The following TFG variants were observed in gnomAD, a reference collection of about 807,000 sequenced individuals.
TFG encodes the protein protein TFG.
TFG carries 22 observed loss-of-function variants against 51.4 expected under a neutral mutation model. The ratio of observed to expected loss-of-function variants is 0.43; its 90% CI spans 0.31 to 0.61. The LOEUF is 0.61. TFG is among the 20% of genes least tolerant of loss of function. The probability of loss-of-function intolerance (pLI) is 0.12; values close to 1 mark genes in which losing one functional copy is unlikely to be tolerated. For synonymous variants in TFG, 187 were observed against 165.6 expected (o/e 1.13, Z -0.99); for missense variants, 419 against 487.7 (o/e 0.86, Z 1.33).
chr3:100,746,341 A>G (rs2149098357), intron 7 of TFG, among the ~76,000 whole-genome samples: 1 of 152,250 alleles, frequency 6.6e-6, no homozygotes, highest in East Asian at 1.9e-4. Context: ...TTTGCATTTT[A>G]TAAATGAGGC....
chr3:100,748,466 C>G lies in TFG; in HGVS notation c.1138C>G (p.Pro380Ala). The G allele has an allele frequency of 6.2e-7, 1 of 1,614,146 alleles. No homozygotes were observed. The highest frequency in any genetic ancestry group is 8.5e-7 in the Non-Finnish European group (1 of 1,180,000). ...TMTPPPSGPN[P>A]YARNRPPFGQ... ...GACCCCTCCTCCAAGTGGGCCTAATCCTTATGCGCGTAACCGTCCTCCCTT... is the reference window on the plus strand; with the variant it reads ...GACCCCTCCTCCAAGTGGGCCTAATGCTTATGCGCGTAACCGTCCTCCCTT... Residue 380 changes from proline (P) to alanine (A), a missense_variant, in exon 8 of 8, where the codon CCT becomes GCT. Pro to Ala is a conservative substitution (Grantham distance 27). This residue lies in a region of TFG where 391 missense variants were observed against 434.4 expected (regional missense o/e 0.90). Coordinates refer to ENST00000240851, the MANE Select transcript of TFG (RefSeq NM_006070.6).
chr3:100,709,812 G>C (rs1439367263), intron 1 of TFG, 91 bp downstream of exon 1: 3 of 147,580 alleles, frequency 2.0e-5, no homozygotes, highest in Non-Finnish European at 4.5e-5. Flanking sequence ...CGAACCGCGC[G>C]GCAGCTGGGG....
rs536168502 is a variant in TFG, at chr3:100,748,813, C to A, written c.*282C>A. The A allele has an allele frequency of 2.1e-5, 7 of 340,072 alleles. No homozygotes were observed. The highest frequency in any genetic ancestry group is 8.7e-5 in the Admixed American group (2 of 23,086). The allele number at this position is 340,072 out of a possible 1,614,324, so 21.1% of individuals were successfully genotyped here. On this transcript the variant is annotated 3_prime_UTR_variant, in exon 8 of 8. Transcript: ENST00000240851. ...ACTTGACTTTCTAGCTTCCCTTGTC[C>A]GGAGGATATTAAAATGCTAGGGTGA... is the stretch of plus-strand genomic sequence containing the variant.
At chr3:100,742,703 A>G (rs1417789752) in intron 6 of TFG, 1 of 152,218 alleles carries the variant, frequency 6.6e-6, no homozygotes. Flanking sequence ...TACACAGAAC[A>G]GTAACCCCAA....
chr3:100,716,167 A>G (rs1252609750), intron 2 of TFG, among the ~76,000 whole-genome samples: 3 of 152,076 alleles, frequency 2.0e-5, no homozygotes, highest in Non-Finnish European at 2.9e-5. Context: ...AACTACTTCT[A>G]TCTAGTTGTA....
chr3:100,710,017 G>C (rs2095025464), intron 1 of TFG: 1 of 152,304 alleles, frequency 6.6e-6, no homozygotes, highest in African/African-American at 2.4e-5. Flanking sequence ...GGCTCCGGGA[G>C]GGGAGTGCGC....
intron 2 of TFG, among the ~76,000 whole-genome samples, chr3:100,718,658 A>G (rs1227559270): frequency 6.8e-6 from 1 of 147,210 alleles, no homozygotes; most frequent in African/African-American, 2.5e-5. Flanking sequence ...CCCAGGTTCA[A>G]GTGATTCTCC....
chr3:100,731,098 G>A (rs1432742571), intron 4 of TFG, among the ~76,000 whole-genome samples: 2 of 152,142 alleles, frequency 1.3e-5, no homozygotes, highest in African/African-American at 4.8e-5. Context: ...CTTATATTCG[G>A]TTTAGCACTT....
At chr3:100,741,730 G>T (rs1057006695) in intron 6 of TFG, among the ~76,000 whole-genome samples, 2 of 152,066 alleles carry the variant, frequency 1.3e-5, no homozygotes, top group African/African-American at 4.8e-5. Flanking sequence ...CATGGTAAGT[G>T]CCCTAGGCAG....
At chr3:100,721,339 G>C (rs1047264589) in intron 3 of TFG, among the ~76,000 whole-genome samples, 2 of 152,118 alleles carry the variant, frequency 1.3e-5, no homozygotes, top group Non-Finnish European at 2.9e-5. Context: ...GGGTGTTCTT[G>C]GTGGTGATAG....
chr3:100,741,860 A>G (rs1018265212), intron 6 of TFG, among the ~76,000 whole-genome samples: 1 of 152,218 alleles, frequency 6.6e-6, no homozygotes, highest in Non-Finnish European at 1.5e-5. Flanking sequence ...GTACAGGAAC[A>G]TGCTCTACAG....
intron 4 of TFG, among the ~76,000 whole-genome samples, chr3:100,729,609 A>T (rs2095085928): frequency 6.6e-6 from 1 of 152,026 alleles, no homozygotes; most frequent in Non-Finnish European, 1.5e-5. Flanking sequence ...CTTTTTACAA[A>T]TTCTTTGTTT....
chr3:100,730,433 G>A (rs2095088321), intron 4 of TFG, among the ~76,000 whole-genome samples: 2 of 152,126 alleles, frequency 1.3e-5, no homozygotes, highest in Admixed American at 1.3e-4. Context: ...CATGCCATAT[G>A]TTGTTTTCTT....
intron 4 of TFG, among the ~76,000 whole-genome samples, chr3:100,730,447 TG>T (rs2095088394): frequency 6.6e-6 from 1 of 152,240 alleles, no homozygotes; most frequent in African/African-American, 2.4e-5. Flanking sequence ...TTTTCTTGTA[TG>T]GCCATTTTCT....
intron 2 of TFG, among the ~76,000 whole-genome samples, chr3:100,719,010 T>A (rs2095053918): frequency 6.6e-6 from 1 of 152,240 alleles, no homozygotes; most frequent in Admixed American, 6.5e-5. Context: ...TTCTTTTACA[T>A]ACATACTTTA....
chr3:100,737,151 GT>G (rs1388303570), intron 6 of TFG, among the ~76,000 whole-genome samples: 1 of 151,928 alleles, frequency 6.6e-6, no homozygotes, highest in East Asian at 1.9e-4. Flanking sequence ...GGTTTTTTTT[GT>G]TAAGATTAGT....
intron 6 of TFG, chr3:100,743,925 CAGAT>C (rs962674320): frequency 2.7e-5 from 4 of 150,746 alleles, no homozygotes; most frequent in African/African-American, 9.8e-5. Flanking sequence ...ATTTAAATAC[CAGAT>C]AGATATTAAA....
At position 100,742,262 on chromosome 3, in the gene TFG, T is replaced by C. The variant is rs72928653; in HGVS notation, c.722-2571T>C. ...GGTTCTTGGAAATTGTAACTTTAAG[T>C]GAGATGACGTATGAGGAAATCAGTT... On this transcript the variant is annotated intron_variant, in intron 6 of 7. Transcript: ENST00000240851. 4.9e-3 allele frequency among the ~76,000 whole-genome samples: 744 copies of C among 152,278 alleles called. 6 individuals are homozygous for C. The highest frequency in any genetic ancestry group is 0.017 in the African/African-American group (710 of 41,560).
chr3:100,713,900 G>GT, intron 2 of TFG, 31 bp downstream of exon 2: 6 of 1,076,722 alleles, frequency 5.6e-6, no homozygotes, highest in East Asian at 2.9e-5. Flanking sequence ...ATTTTTTAAA[G>GT]TCTTTTTAAA....
Sources: gnomAD v4.1 joint callset for allele counts (sites outside exome capture counted in the v4.1 genomes callset) on GRCh38, gnomAD v4.1.1 for gene constraint, gnomAD v4.1.1 regional missense constraint, MANE v1.5 for transcripts, NCBI Gene and HGNC (gene_info 2026-07-23, HGNC 2026-07-21) for gene names.